YARS1: variants seen among roughly 807,000 people sequenced by gnomAD.
YARS1 encodes tyrosyl-tRNA synthetase 1, also known as tyrosine--tRNA ligase, cytoplasmic.
A neutral mutation model predicts 62.2 loss-of-function variants in YARS1; 36 were observed. The ratio of observed to expected loss-of-function variants is 0.58; its 90% CI spans 0.44 to 0.76. YARS1 has a LOEUF of 0.76. Ranked by LOEUF, YARS1 falls within the 30% of genes least tolerant of loss-of-function variation. YARS1 has a pLI of 0.00. For missense variants in YARS1, 524 were observed against 639.8 expected (o/e 0.82, Z 1.95); for synonymous variants, 234 against 244.9 (o/e 0.96, Z 0.42).
chr1:32,803,230 C>T (rs544475167), intron 4 of YARS1, among the ~76,000 whole-genome samples: 150 of 151,596 alleles, frequency 9.9e-4, no homozygotes, highest in African/African-American at 3.4e-3. Flanking sequence ...CTGCCTGCCT[C>T]GGCCTCCCAA....
intron 1 of YARS1, among the ~76,000 whole-genome samples, chr1:32,814,647 C>T (rs1346000240): frequency 6.6e-6 from 1 of 152,218 alleles, no homozygotes; most frequent in Non-Finnish European, 1.5e-5. Flanking sequence ...GTGTGGGCCT[C>T]CCAAAGTGTT....
Position 32,776,014 on chromosome 1 carries a change from G to A in YARS1, c.1554C>T (p.Ser518=), listed in dbSNP as rs1467111507. Residue 518 remains serine, a synonymous_variant, in exon 13 of 13, where the codon TCC becomes TCT. Coordinates refer to ENST00000373477, the MANE Select transcript of YARS1 (RefSeq NM_003680.4). The surrounding 1 kb of genome is among the most constrained non-coding windows in gnomAD (Gnocchi z 4.0). ...TNFMTKLGSI[S]CKSLKGGNIS is the part of the protein sequence containing the mutation. ...TGTTCCCCCCTTTCAGCGATTTACA[G>A]GAAATGGAGCCCAGCTTGGTCATGA... The A allele has an allele frequency of 1.2e-6, 2 of 1,614,176 alleles. No homozygotes were observed. The highest frequency in any genetic ancestry group is 8.5e-7 in the Non-Finnish European group (1 of 1,180,028).
intron 1 of YARS1, among the ~76,000 whole-genome samples, chr1:32,812,459 GGAAATCAAAGTATTTTACCCCAAAA>G (rs1638607643): frequency 6.6e-6 from 1 of 152,090 alleles, no homozygotes; most frequent in African/African-American, 2.4e-5. Flanking sequence ...AGGCCCTAAA[GGAAATCAAAGTATTTTACCCCAAAA>G]GATATTTCTT....
chr1:32,780,785 T>A (rs1158441636), intron 10 of YARS1: 2 of 524,950 alleles, frequency 3.8e-6, no homozygotes, highest in Admixed American at 6.0e-5. Context: ...GGTGAGTCTA[T>A]CAGACCAGAT....
intron 8 of YARS1, among the ~76,000 whole-genome samples, chr1:32,784,514 A>G (rs558873055): frequency 2.0e-5 from 3 of 152,072 alleles, no homozygotes; most frequent in African/African-American, 7.2e-5. Flanking sequence ...CTCATACATC[A>G]TGCTGCTTCA....
At position 32,787,050 on chromosome 1, in the gene YARS1, C is replaced by A. The variant is rs763285294; in HGVS notation, c.710G>T (p.Arg237Leu). Residue 237 changes from arginine to leucine, a missense_variant, in exon 7 of 13, where the codon CGG becomes CTG. Physicochemically the swap from Arg to Leu is moderately radical, Grantham distance 102 (BLOSUM62 -2). Transcript: ENST00000373477. Reference sequence around the variant, plus strand: ...CAGTTTTTTCTTCACATCCTCCTTCCGATCAAGGAGATCAATCTTGGACTC... The same window carrying A: ...CAGTTTTTTCTTCACATCCTCCTTCAGATCAAGGAGATCAATCTTGGACTC... ...EEESKIDLLD[R>L]KEDVKKKLKK... 1.9e-6 allele frequency: 3 copies of A among 1,614,132 alleles called. No homozygotes were observed. Among genetic ancestry groups the A allele is most frequent in the South Asian group, 2.2e-5 (2 of 91,078 alleles).
intron 6 of YARS1, among the ~76,000 whole-genome samples, chr1:32,790,176 C>T (rs867004741): frequency 9.1e-5 from 13 of 142,794 alleles, no homozygotes; most frequent in Middle Eastern, 3.6e-3. Flanking sequence ...AGCCACCACG[C>T]AGGCCTTTTT....
intron 12 of YARS1, among the ~76,000 whole-genome samples, chr1:32,778,048 T>C (rs2148598585): frequency 6.6e-6 from 1 of 152,112 alleles, no homozygotes; most frequent in East Asian, 1.9e-4. Context: ...GCAAAGCAAA[T>C]GGCCTCATGC....
rs1039854598 is a variant in YARS1 at position 32,776,793 on chromosome 1, C to T, written c.1477-702G>A. On this transcript the variant is annotated intron_variant, in intron 12 of 12. Transcript: ENST00000373477. The surrounding 1 kb of genome is among the most constrained non-coding windows in gnomAD (Gnocchi z 4.0). ...CATCCTGGCTAATACAGTGAAACCCCGTCTCTACTAAAATTACAAAAAATT... is the reference window on the plus strand; with the variant it reads ...CATCCTGGCTAATACAGTGAAACCCTGTCTCTACTAAAATTACAAAAAATT... 1.3e-5 allele frequency among the ~76,000 whole-genome samples: 2 copies of T among 151,928 alleles called. No individual in the cohort carries two copies. Among genetic ancestry groups the T allele is most frequent in the South Asian group, 2.1e-4 (1 of 4,812 alleles).
At position 32,791,206 on chromosome 1, in the gene YARS1, T is replaced by C. The variant is rs753368420; in HGVS notation, c.640A>G (p.Met214Val). The change falls in exon 6 of 13, where the codon ATG (methionine) becomes GTG (valine). Residue 214 changes from methionine to valine, a missense_variant. Physicochemically the swap from Met to Val is conservative, Grantham distance 21. Coordinates refer to ENST00000373477, the MANE Select transcript of YARS1 (RefSeq NM_003680.4). ...YSKRVHLMNP[M>V]VPGLTGSKMS... ...TTGCTGCCTGTTAATCCTGGAACCA[T>C]AGGATTCATCAGATGGACCCGTTTT... The C allele has an allele frequency of 4.3e-6, 7 of 1,614,070 alleles. No individual in the cohort carries two copies. The highest frequency in any genetic ancestry group is 1.7e-5 in the Admixed American group (1 of 60,016).
At chr1:32,803,999 T>C (rs1033190202) in intron 4 of YARS1, among the ~76,000 whole-genome samples, 4 of 152,166 alleles carry the variant, frequency 2.6e-5, no homozygotes, top group African/African-American at 9.7e-5. Flanking sequence ...TGCACCGCCC[T>C]TTATCCATTT....
chr1:32,782,933 G>A (rs1258670229), intron 8 of YARS1: 2 of 251,984 alleles, frequency 7.9e-6, no homozygotes, highest in Non-Finnish European at 7.8e-6. Context: ...AAGGGCTTTG[G>A]AGTTCGACAG....
chr1:32,795,002 CAAAAAAAAAAAAA>C (rs71278770), intron 5 of YARS1, among the ~76,000 whole-genome samples: 15 of 22,888 alleles, frequency 6.6e-4, no homozygotes, highest in East Asian at 1.7e-3. Flanking sequence ...GACTCTGTCT[CAAAAAAAAAAAAA>C]AAAAAAAAAA....
chr1:32,793,455 C>G (rs893623939), intron 5 of YARS1, among the ~76,000 whole-genome samples: 5 of 152,060 alleles, frequency 3.3e-5, no homozygotes, highest in Non-Finnish European at 7.4e-5. Flanking sequence ...CTAGCTTGGC[C>G]AACATGGTGA....
Position 32,776,038 on chromosome 1 carries a change from GA to G in YARS1, c.1529del (p.Phe510SerfsTer2). ...ECIAQWKQTN[F>X]MTKLGSISCK... ...AGGAAATGGAGCCCAGCTTGGTCAT[GA>G]AGTTGGTTTGCTTCCACTGTGCGAT... On this transcript the variant is annotated frameshift_variant, in exon 13 of 13. Coordinates refer to ENST00000373477, the MANE Select transcript of YARS1 (RefSeq NM_003680.4). LOFTEE classifies it high-confidence loss of function. The surrounding 1 kb of genome is among the most constrained non-coding windows in gnomAD (Gnocchi z 4.0). 6.2e-7 allele frequency: 1 copy of G among 1,614,206 alleles called. No individual in the cohort carries two copies. The highest frequency in any genetic ancestry group is 1.3e-5 in the African/African-American group (1 of 75,052).
chr1:32,795,084 C>T (rs1259932570), intron 5 of YARS1, among the ~76,000 whole-genome samples: 1 of 149,906 alleles, frequency 6.7e-6, no homozygotes, highest in East Asian at 2.0e-4. Flanking sequence ...CTCTGGGAGG[C>T]CAAGGTCGGA....
chr1:32,812,283 G>C (rs563954950), intron 1 of YARS1, among the ~76,000 whole-genome samples: 14 of 152,318 alleles, frequency 9.2e-5, no homozygotes, highest in African/African-American at 3.1e-4. Flanking sequence ...AAAGTGCTGG[G>C]ATTATAGGCG....
intron 4 of YARS1, among the ~76,000 whole-genome samples, chr1:32,802,226 C>T (rs931147135): frequency 5.9e-5 from 9 of 152,184 alleles, no homozygotes; most frequent in African/African-American, 1.4e-4. Flanking sequence ...GGATGACAGG[C>T]GTGAGCCACC....
intron 4 of YARS1, among the ~76,000 whole-genome samples, chr1:32,798,832 A>T (rs1260337112): frequency 1.3e-5 from 2 of 152,122 alleles, no homozygotes; most frequent in Non-Finnish European, 2.9e-5. Context: ...CAAAAAATAA[A>T]ATTAAATTAA....
Sources: allele counts gnomAD v4.1 joint callset (sites outside exome capture counted in the v4.1 genomes callset), GRCh38; gene constraint gnomAD v4.1.1; non-coding constraint Gnocchi (gnomAD v3.1); transcripts MANE v1.5; gene names NCBI Gene and HGNC (gene_info 2026-07-23, HGNC 2026-07-21).